The following NR5A2 variants were observed in gnomAD, a reference collection of about 807,000 sequenced individuals.
NR5A2 encodes CYP7A promoter-binding factor.
Under a neutral mutation model 62.7 loss-of-function variants are expected in NR5A2, and 26 were observed. The observed-to-expected ratio is 0.41, with a 90% CI of 0.30 to 0.58. NR5A2 has a LOEUF of 0.58. Among genes scored for constraint, NR5A2 ranks in the 20% least tolerant of loss-of-function variants. The probability of loss-of-function intolerance (pLI) is 0.22; values close to 1 mark genes in which losing one functional copy is unlikely to be tolerated. For synonymous variants in NR5A2, 246 were observed against 241.7 expected (o/e 1.02, Z -0.16); for missense variants, 541 against 669.1 (o/e 0.81, Z 2.11).
intron 7 of NR5A2, among the ~76,000 whole-genome samples, chr1:200,127,099 T>TA (rs11483864): frequency 0.44 from 66,677 of 151,790 alleles, 14,936 homozygotes; most frequent in East Asian, 0.68. Flanking sequence ...GTTTTGTAAT[T>TA]AAAAAAACAA....
chr1:200,134,391 T>A (rs1667124352), intron 7 of NR5A2, among the ~76,000 whole-genome samples: 1 of 152,206 alleles, frequency 6.6e-6, no homozygotes, highest in Admixed American at 6.5e-5. Context: ...TCTCATAGAC[T>A]GTATTTTTAC....
chr1:200,062,027 A>G (rs1663245276), intron 5 of NR5A2, among the ~76,000 whole-genome samples: 1 of 152,244 alleles, frequency 6.6e-6, no homozygotes, highest in African/African-American at 2.4e-5. Flanking sequence ...TGGTAAAGGC[A>G]ATATGTAGAC....
intron 5 of NR5A2, among the ~76,000 whole-genome samples, chr1:200,097,387 C>T (rs1371717447): frequency 6.6e-6 from 1 of 152,178 alleles, no homozygotes. Flanking sequence ...GAACTCCCTT[C>T]GTCACTCACC....
At position 200,114,231 on chromosome 1, in the gene NR5A2, T is replaced by C. The variant is rs527362212; in HGVS notation, c.1230+2910T>C. Among the ~76,000 whole-genome samples, 33 of 130,876 alleles carry C rather than the reference T, an allele frequency of 2.5e-4. No individual in the cohort carries two copies. In the South Asian group the frequency reaches 5.8e-3, roughly 23 times the overall value. 85.9% of individuals were successfully genotyped at this position (130,876 alleles called of 152,430 possible). Reference sequence around the variant, plus strand: ...GGAAGCTAGAAGATATATATATATATATACACACACACACATACACACAAA... The same window carrying C: ...GGAAGCTAGAAGATATATATATATACATACACACACACACATACACACAAA... On this transcript the variant is annotated intron_variant, in intron 6 of 7. Coordinates refer to ENST00000367362, the MANE Select transcript of NR5A2 (RefSeq NM_205860.3).
At chr1:200,165,232 C>T (rs1336183239) in intron 7 of NR5A2, among the ~76,000 whole-genome samples, 2 of 151,974 alleles carry the variant, frequency 1.3e-5, no homozygotes, top group Non-Finnish European at 2.9e-5. Context: ...AGACTCCCCA[C>T]ATAACCCCTG....
At chr1:200,139,199 A>C (rs1010928709) in intron 7 of NR5A2, among the ~76,000 whole-genome samples, 7 of 152,224 alleles carry the variant, frequency 4.6e-5, no homozygotes, top group Non-Finnish European at 1.5e-5. Context: ...GTTAATATCC[A>C]TGTGGCTGGA....
intron 5 of NR5A2, among the ~76,000 whole-genome samples, chr1:200,073,173 C>T (rs1181425266): frequency 3.3e-5 from 5 of 150,094 alleles, no homozygotes; most frequent in Non-Finnish European, 7.4e-5. Context: ...AACCAAAAGT[C>T]AGGTTTCAGT....
At chr1:200,118,789 T>C (rs192507772) in intron 6 of NR5A2, among the ~76,000 whole-genome samples, 2 of 152,394 alleles carry the variant, frequency 1.3e-5, no homozygotes, top group Admixed American at 6.5e-5. Context: ...GGCAAAATGA[T>C]AGTTGAGACG....
At chr1:200,059,228 A>AT (rs1411681824) in intron 5 of NR5A2, among the ~76,000 whole-genome samples, 1 of 152,162 alleles carries the variant, frequency 6.6e-6, no homozygotes, top group East Asian at 1.9e-4. Context: ...CTTCAGCCTC[A>AT]TTTTGCAAAA....
rs368886113 is a variant in NR5A2 at position 200,156,552 on chromosome 1, C to T, written c.1379-17411C>T. On this transcript the variant is annotated intron_variant, in intron 7 of 7. Coordinates refer to ENST00000367362, the MANE Select transcript of NR5A2 (RefSeq NM_205860.3). The stretch of plus-strand genomic sequence containing the variant: ...AGCTGGGATTACAGGTGCCCCCCCA[C>T]CACACCCGGCTAATTTTTGTATTTT... Among the ~76,000 whole-genome samples, 20 of 152,232 alleles carry T rather than the reference C, an allele frequency of 1.3e-4. No individual in the cohort carries two copies. The East Asian group carries it at 3.9e-3, about 29-fold the overall frequency.
chr1:200,169,372 G>A (rs1050399675), intron 7 of NR5A2, among the ~76,000 whole-genome samples: 224 of 152,192 alleles, frequency 1.5e-3, no homozygotes, highest in Non-Finnish European at 6.3e-4. Context: ...CTCCATGTGA[G>A]CCTCACAGCC....
Position 200,041,182 on chromosome 1 carries a change from A to ATT in NR5A2, c.202+1387_202+1388insTT, listed in dbSNP as rs1662057880. On this transcript the variant is annotated intron_variant, in intron 2 of 7. Coordinates refer to ENST00000367362, the MANE Select transcript of NR5A2 (RefSeq NM_205860.3). ...GCACGATTCTTGGCTCCAAAAGGAA[A>ATT]GTTTCTGCTTCTTGTTCTGGCGCGA... 4.6e-5 allele frequency among the ~76,000 whole-genome samples: 7 copies of ATT among 152,302 alleles called. No homozygotes were observed. The South Asian group carries it at 1.4e-3, about 32-fold the overall frequency.
intron 7 of NR5A2, among the ~76,000 whole-genome samples, chr1:200,171,381 G>A (rs1484798822): frequency 4.6e-5 from 7 of 152,138 alleles, no homozygotes; most frequent in African/African-American, 1.4e-4. Flanking sequence ...ATATTTTCCT[G>A]CCAGAAGGAA....
chr1:200,032,857 C>T (rs1661596458), intron 1 of NR5A2, among the ~76,000 whole-genome samples: 1 of 152,166 alleles, frequency 6.6e-6, no homozygotes, highest in South Asian at 2.1e-4. Flanking sequence ...TACTCTTTCT[C>T]CAAAGTGGTA....
At chr1:200,064,124 G>A (rs1663362195) in intron 5 of NR5A2, among the ~76,000 whole-genome samples, 1 of 151,710 alleles carries the variant, frequency 6.6e-6, no homozygotes, top group African/African-American at 2.4e-5. Flanking sequence ...GCTCCAGCCT[G>A]GGCGACAGAG....
chr1:200,054,026 G>T (rs78315734), intron 5 of NR5A2: 1 of 152,178 alleles, frequency 6.6e-6, no homozygotes, highest in African/African-American at 2.4e-5. Context: ...TTCTTGTTAC[G>T]TATGCTTGTC....
chr1:200,135,462 G>A (rs1294452504), intron 7 of NR5A2, among the ~76,000 whole-genome samples: 3 of 151,642 alleles, frequency 2.0e-5, no homozygotes, highest in Non-Finnish European at 4.4e-5. Flanking sequence ...TGGAGGTTGC[G>A]GCAAGCCAAG....
chr1:200,103,677 C>T (rs1391271126), intron 5 of NR5A2, among the ~76,000 whole-genome samples: 1 of 152,178 alleles, frequency 6.6e-6, no homozygotes, highest in Admixed American at 6.5e-5. Context: ...GCGGGTTGCT[C>T]GCAGTCTGAG....
chr1:200,054,944 T>A (rs1245261349), intron 5 of NR5A2, among the ~76,000 whole-genome samples: 1 of 152,114 alleles, frequency 6.6e-6, no homozygotes, highest in African/African-American at 2.4e-5. Flanking sequence ...TTGCCCAGGC[T>A]GGAGTGCAGT....
Sources: gnomAD v4.1 joint callset for allele counts (sites outside exome capture counted in the v4.1 genomes callset) on GRCh38, gnomAD v4.1.1 for gene constraint, MANE v1.5 for transcripts, NCBI Gene and HGNC (gene_info 2026-07-23, HGNC 2026-07-21) for gene names.